SCARA3: variants seen among roughly 807,000 people sequenced by gnomAD.
SCARA3 encodes the protein scavenger receptor class A member 3, also known as cellular stress response gene protein.
SCARA3 carries 39 observed loss-of-function variants against 47.0 expected under a neutral mutation model. The observed-to-expected ratio is 0.83, with a 90% CI of 0.64 to 1.08. The LOEUF is 1.08. Ranked by LOEUF, SCARA3 falls within the 50% of genes least tolerant of loss-of-function variation. SCARA3 has a pLI of 0.00. For synonymous variants in SCARA3, 356 were observed against 334.1 expected (o/e 1.07, Z -0.71); for missense variants, 724 against 792.3 (o/e 0.91, Z 1.04).
chr8:27,683,785 T>G, the SCARA3 span, among the ~76,000 whole-genome samples: 3 of 152,102 alleles, frequency 2.0e-5, no homozygotes, highest in Non-Finnish European at 4.4e-5. Context: ...TAAATTGTGG[T>G]ATTTTCATGA....
the SCARA3 span, among the ~76,000 whole-genome samples, chr8:27,697,965 C>A: frequency 3.3e-5 from 5 of 152,198 alleles, no homozygotes; most frequent in African/African-American, 1.2e-4. Flanking sequence ...GACTAATACA[C>A]TTTCAATCCC....
At chr8:27,692,177 A>C in the SCARA3 span, among the ~76,000 whole-genome samples, 1 of 152,176 alleles carries the variant, frequency 6.6e-6, no homozygotes, top group Non-Finnish European at 1.5e-5. Context: ...TCACACCTGT[A>C]ATCCCAGCAC....
At chr8:27,654,819 A>T (rs995854583) in intron 3 of SCARA3, among the ~76,000 whole-genome samples, 3 of 152,158 alleles carry the variant, frequency 2.0e-5, no homozygotes, top group Non-Finnish European at 4.4e-5. Flanking sequence ...GAAAAAAAGA[A>T]AAAAGAAATG....
At chr8:27,664,857 G>T (rs1246486775) in intron 5 of SCARA3, among the ~76,000 whole-genome samples, 1 of 151,988 alleles carries the variant, frequency 6.6e-6, no homozygotes, top group African/African-American at 2.4e-5. Flanking sequence ...CCTGAGTCTT[G>T]GTTCAACGTC....
the SCARA3 span, chr8:27,702,569 C>T: frequency 6.6e-6 from 1 of 152,288 alleles, no homozygotes; most frequent in Non-Finnish European, 1.5e-5. Context: ...TGACGCGTCC[C>T]TGGACCTTGG....
chr8:27,648,317 A>C (rs1201994312), intron 1 of SCARA3, among the ~76,000 whole-genome samples: 1 of 152,260 alleles, frequency 6.6e-6, no homozygotes, highest in Non-Finnish European at 1.5e-5. Context: ...CATTAAAAAC[A>C]AAAAGGAGGC....
chr8:27,693,142 GAA>G, the SCARA3 span, among the ~76,000 whole-genome samples: 24 of 138,264 alleles, frequency 1.7e-4, no homozygotes, highest in Admixed American at 3.6e-4. Context: ...AAAAAAAAAA[GAA>G]AAAGAAAAGA....
Position 27,658,658 on chromosome 8 carries a change from C to A in SCARA3, c.488C>A (p.Thr163Asn), listed in dbSNP as rs778597442. ...TLQAQEVLST[T>N]SRQISQEMGS... is the part of the protein sequence containing the mutation. ...CAGGCCCAGGAGGTGCTCTCCACCA[C>A]CAGCAGACAAATCTCCCAGGAGATG... The change falls in exon 5 of 6, where the codon ACC becomes AAC. Residue 163 changes from threonine to asparagine, a missense_variant. Physicochemically the swap from Thr to Asn is moderately conservative, Grantham distance 65. Coordinates refer to ENST00000301904, the MANE Select transcript of SCARA3 (RefSeq NM_016240.3). 6.2e-7 allele frequency: 1 copy of A among 1,613,960 alleles called. No individual in the cohort carries two copies. The highest frequency in any genetic ancestry group is 1.3e-5 in the African/African-American group (1 of 74,894).
At chr8:27,645,422 A>G (rs1231492596) in intron 1 of SCARA3, among the ~76,000 whole-genome samples, 1 of 152,264 alleles carries the variant, frequency 6.6e-6, no homozygotes, top group Non-Finnish European at 1.5e-5. Context: ...AACTGCTAGG[A>G]GCGTGACCTG....
downstream of SCARA3, chr8:27,673,021 G>A: frequency 4.1e-6 from 4 of 984,690 alleles, no homozygotes; most frequent in Non-Finnish European, 3.6e-6. Flanking sequence ...TTCCAGGAGT[G>A]AGGTGTCTTT....
At chr8:27,679,977 T>C (rs1162863508), downstream of SCARA3, 1 of 151,782 alleles carries the variant, frequency 6.6e-6, no homozygotes, top group Non-Finnish European at 1.5e-5. Context: ...AACCTCTAAA[T>C]AACCATAGAT....
chr8:27,684,076 A>T, the SCARA3 span, among the ~76,000 whole-genome samples: 1 of 152,210 alleles, frequency 6.6e-6, no homozygotes, highest in Non-Finnish European at 1.5e-5. Context: ...AGAAAAAAAC[A>T]TATGTTTTTG....
chr8:27,662,440 GCC>G (rs1801930363), intron 5 of SCARA3, among the ~76,000 whole-genome samples: 1 of 152,216 alleles, frequency 6.6e-6, no homozygotes. Context: ...ATGCCACATT[GCC>G]CTACTTCGTC....
rs534656741 is a variant in SCARA3, at chr8:27,649,965, C to G, written c.106+165C>G. The stretch of plus-strand genomic sequence containing the variant: ...AAAGGGCAGAGTTCACGGCCCTGGG[C>G]GTGCAGTACCAGTGAAGTCAAAGGA... On this transcript the variant is annotated intron_variant, in intron 2 of 5. Coordinates refer to ENST00000301904, the MANE Select transcript of SCARA3 (RefSeq NM_016240.3). Among the ~76,000 whole-genome samples the G allele has an allele frequency of 1.9e-4, 29 of 152,210 alleles. No homozygotes were observed. The South Asian group carries it at 2.3e-3, about 12-fold the overall frequency.
chr8:27,693,512 A>G, the SCARA3 span, among the ~76,000 whole-genome samples: 1 of 152,152 alleles, frequency 6.6e-6, no homozygotes, highest in Non-Finnish European at 1.5e-5. Context: ...TTTGAGCTGG[A>G]GAGATGTTGG....
At chr8:27,685,730 G>A in the SCARA3 span, among the ~76,000 whole-genome samples, 2 of 152,122 alleles carry the variant, frequency 1.3e-5, no homozygotes, top group African/African-American at 4.8e-5. Flanking sequence ...CACCTATGAA[G>A]TTGATTTGTC....
the SCARA3 span, among the ~76,000 whole-genome samples, chr8:27,693,533 A>AT: frequency 3.3e-5 from 5 of 152,180 alleles, no homozygotes; most frequent in African/African-American, 2.4e-5. Context: ...TTTTGTAAAA[A>AT]ATATATATAA....
At chr8:27,634,672 G>C (rs538903916) in intron 1 of SCARA3, among the ~76,000 whole-genome samples, 1 of 152,098 alleles carries the variant, frequency 6.6e-6, no homozygotes, top group East Asian at 1.9e-4. Flanking sequence ...AAAGAGACCT[G>C]CAGTGTCAGA....
the SCARA3 span, among the ~76,000 whole-genome samples, chr8:27,730,259 C>T: frequency 6.6e-6 from 1 of 152,292 alleles, no homozygotes; most frequent in East Asian, 1.9e-4. Context: ...GTAGGGACAC[C>T]AAGTGGCTCC....
Sources: gnomAD v4.1 joint callset for allele counts (sites outside exome capture counted in the v4.1 genomes callset) on GRCh38, gnomAD v4.1.1 for gene constraint, MANE v1.5 for transcripts, NCBI Gene and HGNC (gene_info 2026-07-23, HGNC 2026-07-21) for gene names.